LDLRAD4: variants seen among roughly 807,000 people sequenced by gnomAD.
LDLRAD4 encodes low-density lipoprotein receptor class A domain-containing protein 4.
LDLRAD4 carries 5 observed loss-of-function variants against 17.0 expected under a neutral mutation model. That is an observed-to-expected ratio of 0.29 (90% confidence interval 0.15 to 0.62). The LOEUF is 0.62. LDLRAD4 is among the 20% of genes least tolerant of loss of function. LDLRAD4 has a pLI of 0.84. For synonymous variants in LDLRAD4, 168 were observed against 171.8 expected (o/e 0.98, Z 0.17); for missense variants, 340 against 424.7 (o/e 0.80, Z 1.75).
intron 2 of LDLRAD4, among the ~76,000 whole-genome samples, chr18:13,414,413 A>G (rs1333096009): frequency 6.6e-6 from 1 of 152,328 alleles, no homozygotes; most frequent in East Asian, 1.9e-4. Context: ...CTCTATTGTC[A>G]CTGTCACTTA....
chr18:13,371,000 C>T (rs1214331530), intron 1 of LDLRAD4, among the ~76,000 whole-genome samples: 14 of 152,280 alleles, frequency 9.2e-5, no homozygotes, highest in African/African-American at 3.4e-4. Flanking sequence ...TGAGCCACCA[C>T]ACCCGGCCCC....
At chr18:13,243,322 A>G (rs1324588620) in intron 1 of LDLRAD4, among the ~76,000 whole-genome samples, 1 of 152,112 alleles carries the variant, frequency 6.6e-6, no homozygotes, top group African/African-American at 2.4e-5. Flanking sequence ...GGACACTGGA[A>G]TATCTCTCAA....
chr18:13,244,103 A>G (rs925427037), intron 1 of LDLRAD4, among the ~76,000 whole-genome samples: 14 of 141,294 alleles, frequency 9.9e-5, no homozygotes, highest in Non-Finnish European at 1.4e-4. Flanking sequence ...CCATCCATCC[A>G]TTCATCTATC....
chr18:13,251,130 A>G (rs1480155655), intron 1 of LDLRAD4, among the ~76,000 whole-genome samples: 1 of 152,250 alleles, frequency 6.6e-6, no homozygotes, highest in Non-Finnish European at 1.5e-5. Context: ...CAAAAACCAC[A>G]TGAACATCTC....
chr18:13,432,729 A>G (rs1267369998), intron 2 of LDLRAD4, among the ~76,000 whole-genome samples: 1 of 152,044 alleles, frequency 6.6e-6, no homozygotes, highest in East Asian at 1.9e-4. Context: ...CTATTTATTT[A>G]TTTAAGAGAC....
chr18:13,510,852 G>T (rs1394057482), intron 3 of LDLRAD4, among the ~76,000 whole-genome samples: 3 of 152,172 alleles, frequency 2.0e-5, no homozygotes, highest in Non-Finnish European at 2.9e-5. Flanking sequence ...AGATACGGCT[G>T]AAAGCATGGA....
chr18:13,544,109 C>T (rs547864504), intron 3 of LDLRAD4, among the ~76,000 whole-genome samples: 5 of 152,390 alleles, frequency 3.3e-5, no homozygotes, highest in South Asian at 2.1e-4. Flanking sequence ...TGGTTTCCAT[C>T]GCTGGGCCTG....
intron 3 of LDLRAD4, among the ~76,000 whole-genome samples, chr18:13,564,409 C>CA (rs2148252044): frequency 6.6e-6 from 1 of 151,686 alleles, no homozygotes; most frequent in African/African-American, 2.4e-5. Flanking sequence ...AAGCCATCCC[C>CA]AGCGCTCGCC....
At chr18:13,321,109 G>T (rs1010178478) in intron 1 of LDLRAD4, among the ~76,000 whole-genome samples, 3 of 152,130 alleles carry the variant, frequency 2.0e-5, no homozygotes, top group Non-Finnish European at 2.9e-5. Context: ...GGTTAACTTC[G>T]GCCCGAGCAT....
Position 13,440,862 on chromosome 18 carries a change from G to C in LDLRAD4, c.181+2478G>C, listed in dbSNP as rs539395977. 5.3e-5 allele frequency among the ~76,000 whole-genome samples: 8 copies of C among 152,276 alleles called. No individual in the cohort carries two copies. In the East Asian group the frequency reaches 1.5e-3, roughly 29 times the overall value. On this transcript the variant is annotated intron_variant, in intron 3 of 5. Transcript: ENST00000359446. This position sits in a 1 kb window ranked among gnomAD's most constrained non-coding sequence, Gnocchi z 4.4. ...TTGTGTACACGGAGCAGGAATTCAC[G>C]GGTGTCCACAAGTGCACTTGCCCAG...
chr18:13,263,288 G>A lies in LDLRAD4; in HGVS notation c.-466-14817G>A, dbSNP rs765388844. 7.9e-5 allele frequency among the ~76,000 whole-genome samples: 12 copies of A among 151,880 alleles called. No homozygotes were observed. In the East Asian group the frequency reaches 2.3e-3, roughly 30 times the overall value. On this transcript the variant is annotated intron_variant, in intron 1 of 5. Coordinates refer to the LDLRAD4 transcript ENST00000399848. ...ATCCCATGCGGCTCTGTGTGTGGGGGCTGAGGCTGAGTCCCATGCGGCTCT... is the reference window on the plus strand; with the variant it reads ...ATCCCATGCGGCTCTGTGTGTGGGGACTGAGGCTGAGTCCCATGCGGCTCT...
chr18:13,347,972 T>C (rs544566276), intron 1 of LDLRAD4, among the ~76,000 whole-genome samples: 1 of 152,288 alleles, frequency 6.6e-6, no homozygotes, highest in African/African-American at 2.4e-5. Flanking sequence ...TAGCCATTCG[T>C]CTAATCTTTT....
chr18:13,563,941 TC>T, intron 3 of LDLRAD4, among the ~76,000 whole-genome samples: 1 of 152,192 alleles, frequency 6.6e-6, no homozygotes, highest in Non-Finnish European at 1.5e-5. Flanking sequence ...TCTCTCTCTC[TC>T]TCACCTAAAC....
intron 1 of LDLRAD4, among the ~76,000 whole-genome samples, chr18:13,230,359 A>T (rs1320069313): frequency 6.6e-6 from 1 of 152,214 alleles, no homozygotes; most frequent in Non-Finnish European, 1.5e-5. Context: ...GCAAAAGAAC[A>T]GATTTTTTTT....
At chr18:13,291,475 T>G (rs1317689209) in intron 1 of LDLRAD4, among the ~76,000 whole-genome samples, 1 of 152,198 alleles carries the variant, frequency 6.6e-6, no homozygotes, top group African/African-American at 2.4e-5. Flanking sequence ...ATGGCTGTGA[T>G]GATCGGGCTG....
At chr18:13,483,614 G>A (rs917342524) in intron 3 of LDLRAD4, among the ~76,000 whole-genome samples, 2 of 152,142 alleles carry the variant, frequency 1.3e-5, no homozygotes, top group African/African-American at 2.4e-5. Context: ...GCCCCTAGTC[G>A]GCAAGCTAGG....
At chr18:13,602,466 G>T (rs2095174400) in intron 3 of LDLRAD4, among the ~76,000 whole-genome samples, 1 of 150,134 alleles carries the variant, frequency 6.7e-6, no homozygotes. Flanking sequence ...AATTTTATCA[G>T]ACATCATTCT....
At position 13,571,518 on chromosome 18, in the gene LDLRAD4, G is replaced by C. The variant is rs192864520; in HGVS notation, c.182-49599G>C. On this transcript the variant is annotated intron_variant, in intron 3 of 5. Coordinates refer to ENST00000359446, the Ensembl canonical transcript of LDLRAD4. ...TGGGCTCATCCCCAGCAGGGTCAGA[G>C]AAAACATGTTCTTTAAGCTCACGCA... Among the ~76,000 whole-genome samples, 39 of 152,354 alleles carry C rather than the reference G, an allele frequency of 2.6e-4. 1 individual carries two copies. The highest frequency in any genetic ancestry group is 8.7e-4 in the African/African-American group (36 of 41,586).
At chr18:13,370,757 C>T (rs2084439089) in intron 1 of LDLRAD4, among the ~76,000 whole-genome samples, 1 of 130,818 alleles carries the variant, frequency 7.6e-6, no homozygotes, top group South Asian at 2.6e-4. Context: ...GTCTCTTAGA[C>T]TGGAGTGCAG....
Sources: allele counts gnomAD v4.1 joint callset (sites outside exome capture counted in the v4.1 genomes callset), GRCh38; gene constraint gnomAD v4.1.1; non-coding constraint Gnocchi (gnomAD v3.1); transcripts MANE v1.5; gene names NCBI Gene and HGNC (gene_info 2026-07-23, HGNC 2026-07-21).